ACBD6: variants seen among roughly 807,000 people sequenced by gnomAD.
ACBD6 encodes the protein acyl-CoA binding domain containing 6.
In ACBD6, 28 loss-of-function variants were observed where a neutral mutation model predicts 37.2. The ratio of observed to expected loss-of-function variants is 0.75; its 90% CI spans 0.56 to 1.03. The LOEUF (loss-of-function observed/expected upper bound fraction) is 1.03, where lower values mean the gene tolerates loss of function less well. ACBD6 is among the 50% of genes least tolerant of loss of function. ACBD6 has a pLI of 0.00. For synonymous variants in ACBD6, 113 were observed against 126.8 expected (o/e 0.89, Z 0.73); for missense variants, 340 against 337.4 (o/e 1.01, Z -0.06).
intron 6 of ACBD6, among the ~76,000 whole-genome samples, chr1:180,348,270 GAGAA>G (rs1652269798): frequency 6.6e-6 from 1 of 152,180 alleles, no homozygotes; most frequent in African/African-American, 2.4e-5. Context: ...CTATCTGTGG[GAGAA>G]AGAAGTATGT....
intron 3 of ACBD6, among the ~76,000 whole-genome samples, chr1:180,478,104 A>G (rs1177302192): frequency 6.6e-6 from 1 of 152,218 alleles, no homozygotes; most frequent in Non-Finnish European, 1.5e-5. Context: ...GGATTGAATA[A>G]GAAAACAAAG....
In ACBD6 at chr1:180,423,163, T is replaced by C. The variant is rs980170351; in HGVS notation, c.467+7017A>G. On this transcript the variant is annotated intron_variant, in intron 4 of 7. Transcript: ENST00000367595. Reference sequence around the variant, plus strand: ...TCTTAATTTTTTGGATATTTTAGGCTACATAGTTCATCTGCAAGTGTTTTC... The same window carrying C: ...TCTTAATTTTTTGGATATTTTAGGCCACATAGTTCATCTGCAAGTGTTTTC... Among the ~76,000 whole-genome samples the C allele has an allele frequency of 5.3e-5, 8 of 152,222 alleles. No homozygotes were observed. In the South Asian group the frequency reaches 1.0e-3, roughly 20 times the overall value.
intron 1 of ACBD6, among the ~76,000 whole-genome samples, chr1:180,501,119 T>C (rs1651953375): frequency 6.6e-6 from 1 of 152,192 alleles, no homozygotes; most frequent in African/African-American, 2.4e-5. Context: ...TTCTGACTGA[T>C]GTATTTGTAT....
chr1:180,296,651 G>A (rs987353422), intron 7 of ACBD6, among the ~76,000 whole-genome samples: 6 of 151,840 alleles, frequency 4.0e-5, no homozygotes, highest in South Asian at 2.1e-4. Context: ...GGCTGGTCTC[G>A]AAATCTTGAC....
intron 4 of ACBD6, among the ~76,000 whole-genome samples, chr1:180,422,905 C>T (rs1364211707): frequency 1.3e-5 from 2 of 152,128 alleles, no homozygotes; most frequent in African/African-American, 2.4e-5. Context: ...AAAAGTACTG[C>T]AGTAGTATAG....
intron 6 of ACBD6, among the ~76,000 whole-genome samples, chr1:180,359,486 C>T (rs1274491383): frequency 6.6e-6 from 1 of 151,786 alleles, no homozygotes; most frequent in Non-Finnish European, 1.5e-5. Context: ...AAGTGTCACG[C>T]AAATATAAGA....
rs1178447516 is a variant in ACBD6, at chr1:180,278,807, T to C, written c.*174+2499A>G. ...TTTGTACAGTTAAAGAGAAATGAAG[T>C]CTCGTTTCCTGGGGAAAAAAAAGAA... On this transcript the variant is annotated intron_variant, in intron 9 of 13. Coordinates refer to the ACBD6 transcript ENST00000642319. The C allele has an allele frequency of 2.7e-5, 4 of 150,490 alleles. No individual in the cohort carries two copies. The East Asian group carries it at 7.7e-4, about 29-fold the overall frequency. The allele number at this position is 150,490 out of a possible 1,614,324, so 9.3% of individuals were successfully genotyped here. A position where few individuals can be genotyped will look rare whatever the true frequency, so the allele number is the denominator to read the frequency against.
At chr1:180,423,515 G>T (rs1648457907) in intron 4 of ACBD6, among the ~76,000 whole-genome samples, 1 of 152,012 alleles carries the variant, frequency 6.6e-6, no homozygotes, top group Non-Finnish European at 1.5e-5. Flanking sequence ...ACTTCCATTT[G>T]TTATACTATT....
intron 5 of ACBD6, among the ~76,000 whole-genome samples, chr1:180,412,014 G>GT (rs1486642105): frequency 6.6e-6 from 1 of 151,534 alleles, no homozygotes; most frequent in Non-Finnish European, 1.5e-5. Flanking sequence ...AAAATTTCAT[G>GT]TGACTCGCTT....
chr1:180,406,345 G>A (rs1647624966), intron 5 of ACBD6, among the ~76,000 whole-genome samples: 1 of 152,078 alleles, frequency 6.6e-6, no homozygotes, highest in Admixed American at 6.6e-5. Context: ...TCCTTGGAGT[G>A]TCACACTGTT....
chr1:180,394,851 G>A (rs74847587), intron 6 of ACBD6, among the ~76,000 whole-genome samples: 2,995 of 152,096 alleles, frequency 0.02, 98 homozygotes, highest in African/African-American at 0.067. Flanking sequence ...TAAAAACCAC[G>A]AAATAATGAA....
intron 3 of ACBD6, among the ~76,000 whole-genome samples, chr1:180,488,103 T>TTGTGTG (rs59324454): frequency 2.8e-4 from 42 of 150,876 alleles, no homozygotes; most frequent in African/African-American, 9.7e-4. Flanking sequence ...TGTGTGTGTG[T>TTGTGTG]TGTGTGTGTG....
intron 3 of ACBD6, among the ~76,000 whole-genome samples, chr1:180,451,803 T>C (rs1421284545): frequency 2.0e-5 from 3 of 152,220 alleles, no homozygotes; most frequent in Non-Finnish European, 1.5e-5. Context: ...GTAATGATGG[T>C]TGTACAACTT....
intron 6 of ACBD6, among the ~76,000 whole-genome samples, chr1:180,329,702 A>G (rs1334135857): frequency 6.6e-6 from 1 of 152,144 alleles, no homozygotes; most frequent in African/African-American, 2.4e-5. Context: ...TTGTATTCAA[A>G]TAGAATCTGG....
chr1:180,477,002 T>C (rs546127084), intron 3 of ACBD6, among the ~76,000 whole-genome samples: 1 of 152,238 alleles, frequency 6.6e-6, no homozygotes, highest in Non-Finnish European at 1.5e-5. Flanking sequence ...TTGTATAACA[T>C]TATACCCCCT....
chr1:180,369,191 G>A (rs1315881908), intron 6 of ACBD6, among the ~76,000 whole-genome samples: 1 of 152,212 alleles, frequency 6.6e-6, no homozygotes, highest in Non-Finnish European at 1.5e-5. Flanking sequence ...GAGTATAAAC[G>A]GAGCAGCCTA....
chr1:180,439,564 TG>T (rs1455134892), intron 3 of ACBD6, among the ~76,000 whole-genome samples: 1 of 150,942 alleles, frequency 6.6e-6, no homozygotes, highest in East Asian at 1.9e-4. Context: ...CACTCCAGCC[TG>T]GGCGACACAG....
intron 7 of ACBD6, among the ~76,000 whole-genome samples, chr1:180,303,186 A>G (rs367604174): frequency 6.7e-6 from 1 of 149,678 alleles, no homozygotes; most frequent in Admixed American, 6.7e-5. Context: ...TAACATCACA[A>G]TTAAAAGAAC....
intron 3 of ACBD6, among the ~76,000 whole-genome samples, chr1:180,476,497 CAAAAG>C (rs1352452999): frequency 6.6e-6 from 1 of 152,000 alleles, no homozygotes; most frequent in Admixed American, 6.6e-5. Context: ...ACAAGTATCA[CAAAAG>C]AAAATTTAAA....
Sources: allele counts gnomAD v4.1 joint callset (sites outside exome capture counted in the v4.1 genomes callset), GRCh38; gene constraint gnomAD v4.1.1; transcripts MANE v1.5; gene names NCBI Gene and HGNC (gene_info 2026-07-23, HGNC 2026-07-21).